The following EXOC4 variants were observed in gnomAD, a reference collection of about 807,000 sequenced individuals.
EXOC4 encodes the protein exocyst complex component 4, also known as SEC8-like 1.
Under a neutral mutation model 107.2 loss-of-function variants are expected in EXOC4, and 71 were observed. The observed-to-expected ratio is 0.66, with a 90% CI of 0.55 to 0.81. The LOEUF (loss-of-function observed/expected upper bound fraction) is 0.81, where lower values mean the gene tolerates loss of function less well. Among genes scored for constraint, EXOC4 ranks in the 30% least tolerant of loss-of-function variants. EXOC4 has a pLI of 0.00. For missense variants in EXOC4, 1,108 were observed against 1,189.6 expected, an observed-to-expected ratio of 0.93 and a Z score of 1.01; for synonymous variants, 456 against 441.2, an observed-to-expected ratio of 1.03 and a Z score of -0.42.
rs1365651448 is a variant in EXOC4, at chr7:133,488,943, CTATA to C, written c.1417+8808_1417+8811del. 2.4e-4 allele frequency among the ~76,000 whole-genome samples: 35 copies of C among 148,930 alleles called. No individual in the cohort carries two copies. The East Asian group carries it at 4.9e-3, about 21-fold the overall frequency. On this transcript the variant is annotated intron_variant, in intron 9 of 17. Transcript: ENST00000253861. ...TTATAATGTAATATATATAAAATCT[CTATA>C]TAAAGTCTAATATAAATCTAATATC...
intron 13 of EXOC4, among the ~76,000 whole-genome samples, chr7:133,936,792 T>G (rs1210313649): frequency 6.6e-6 from 1 of 152,172 alleles, no homozygotes; most frequent in African/African-American, 2.4e-5. Context: ...CCCTAGTAGC[T>G]GTGGCTGTAG....
intron 14 of EXOC4, among the ~76,000 whole-genome samples, chr7:133,954,181 G>A (rs1800760718): frequency 6.6e-6 from 1 of 152,178 alleles, no homozygotes; most frequent in African/African-American, 2.4e-5. Flanking sequence ...TGAGAAAATG[G>A]CAGAACTGGC....
At chr7:133,585,048 A>C (rs1383390080) in intron 9 of EXOC4, among the ~76,000 whole-genome samples, 1 of 152,200 alleles carries the variant, frequency 6.6e-6, no homozygotes, top group Non-Finnish European at 1.5e-5. Flanking sequence ...ATCTCAGCAT[A>C]AATCTTAGGC....
chr7:133,855,134 T>A (rs866000058), intron 11 of EXOC4, among the ~76,000 whole-genome samples: 7 of 110,844 alleles, frequency 6.3e-5, no homozygotes, highest in African/African-American at 2.8e-4. Flanking sequence ...TATAAATATA[T>A]ATATATATAA....
At chr7:133,800,797 AAT>A (rs903629588) in intron 10 of EXOC4, among the ~76,000 whole-genome samples, 1 of 152,228 alleles carries the variant, frequency 6.6e-6, no homozygotes. Flanking sequence ...TCTGTTCTCC[AAT>A]AACGATACTA....
chr7:134,034,269 C>T (rs1320839552), intron 17 of EXOC4, among the ~76,000 whole-genome samples: 1 of 151,840 alleles, frequency 6.6e-6, no homozygotes, highest in African/African-American at 2.4e-5. Context: ...TCAAGTAGTA[C>T]AAGAGAAAGG....
intron 9 of EXOC4, chr7:133,576,526 A>G (rs1289305038): frequency 7.8e-7 from 1 of 1,288,996 alleles, no homozygotes; most frequent in Non-Finnish European, 1.0e-6. Flanking sequence ...TGGCCAATTT[A>G]GTAACAGCAA....
intron 5 of EXOC4, among the ~76,000 whole-genome samples, chr7:133,325,365 T>A (rs1319483627): frequency 6.6e-6 from 1 of 152,198 alleles, no homozygotes; most frequent in East Asian, 1.9e-4. Context: ...TTCCTTTCCA[T>A]GTTTAGTGCT....
intron 11 of EXOC4, among the ~76,000 whole-genome samples, chr7:133,832,470 T>C (rs995878326): frequency 1.3e-5 from 2 of 152,232 alleles, no homozygotes; most frequent in African/African-American, 4.8e-5. Flanking sequence ...CATTTCTCTC[T>C]TTTTAAGACT....
chr7:133,775,327 A>C (rs1796323924), intron 10 of EXOC4, among the ~76,000 whole-genome samples: 1 of 152,176 alleles, frequency 6.6e-6, no homozygotes, highest in South Asian at 2.1e-4. Flanking sequence ...GTGTACATGG[A>C]TCATTTGTAG....
At chr7:133,355,222 A>C (rs989642047) in intron 5 of EXOC4, among the ~76,000 whole-genome samples, 3 of 151,326 alleles carry the variant, frequency 2.0e-5, no homozygotes, top group African/African-American at 7.2e-5. Flanking sequence ...GAATGTATTC[A>C]TTCTTTCAGG....
At chr7:133,590,606 G>A (rs2150977403) in intron 9 of EXOC4, among the ~76,000 whole-genome samples, 1 of 152,276 alleles carries the variant, frequency 6.6e-6, no homozygotes. Context: ...GCAACCATAT[G>A]TCGGGGAGAA....
chr7:133,809,243 T>A (rs182731519), intron 10 of EXOC4, among the ~76,000 whole-genome samples: 7 of 152,342 alleles, frequency 4.6e-5, no homozygotes, highest in South Asian at 2.1e-4. Flanking sequence ...TCACAAACAG[T>A]ATGTCACCGT....
chr7:133,605,662 A>C (rs2150991148), intron 9 of EXOC4, among the ~76,000 whole-genome samples: 1 of 152,312 alleles, frequency 6.6e-6, no homozygotes, highest in African/African-American at 2.4e-5. Flanking sequence ...TGGACATACT[A>C]AGTTAGAGTC....
chr7:133,402,881 ATTTTTTTTTTT>A (rs956173651), intron 7 of EXOC4, among the ~76,000 whole-genome samples: 1 of 114,932 alleles, frequency 8.7e-6, no homozygotes, highest in Non-Finnish European at 1.8e-5. Flanking sequence ...AGAGCCTAAT[ATTTTTTTTTTT>A]TTTTTTTTTT....
chr7:133,765,437 T>C (rs953443886), intron 10 of EXOC4, among the ~76,000 whole-genome samples: 2 of 152,040 alleles, frequency 1.3e-5, no homozygotes, highest in Non-Finnish European at 2.9e-5. Context: ...GCGAATAGAA[T>C]ACCTATAAGG....
At chr7:134,000,613 G>C (rs985125752) in intron 15 of EXOC4, among the ~76,000 whole-genome samples, 1 of 152,186 alleles carries the variant, frequency 6.6e-6, no homozygotes, top group African/African-American at 2.4e-5. Context: ...CAGTCCACTT[G>C]TAAGTCCACT....
intron 11 of EXOC4, among the ~76,000 whole-genome samples, chr7:133,826,639 T>C (rs1267839564): frequency 4.6e-5 from 7 of 152,050 alleles, no homozygotes. Flanking sequence ...ACATGATTGC[T>C]CCATTCAGAA....
chr7:134,015,810 G>C (rs1794893226), intron 17 of EXOC4, among the ~76,000 whole-genome samples: 2 of 151,162 alleles, frequency 1.3e-5, no homozygotes. Flanking sequence ...GGGAAGCGGA[G>C]GTTGGAGTGA....
Sources: allele counts gnomAD v4.1 joint callset (sites outside exome capture counted in the v4.1 genomes callset), GRCh38; gene constraint gnomAD v4.1.1; transcripts MANE v1.5; gene names NCBI Gene and HGNC (gene_info 2026-07-23, HGNC 2026-07-21).